RAB3C: variants seen among roughly 807,000 people sequenced by gnomAD.
The protein encoded by RAB3C is ras-related protein Rab-3C.
Under a neutral mutation model 26.4 loss-of-function variants are expected in RAB3C, and 17 were observed. The observed-to-expected ratio is 0.64, with a 90% CI of 0.44 to 0.97. The LOEUF (loss-of-function observed/expected upper bound fraction) is 0.97, where lower values mean the gene tolerates loss of function less well. RAB3C is among the 50% of genes least tolerant of loss of function. RAB3C has a pLI of 0.00. For synonymous variants in RAB3C, 91 were observed against 95.9 expected (o/e 0.95, Z 0.30); for missense variants, 242 against 281.9 (o/e 0.86, Z 1.01).
chr5:58,753,116 T>A (rs1741570206), intron 3 of RAB3C, among the ~76,000 whole-genome samples: 1 of 152,212 alleles, frequency 6.6e-6, no homozygotes, highest in Non-Finnish European at 1.5e-5. Flanking sequence ...TTGAATCAAT[T>A]AGTTATTTGA....
intron 3 of RAB3C, among the ~76,000 whole-genome samples, chr5:58,777,445 C>CT (rs947599650): frequency 6.6e-6 from 1 of 152,056 alleles, no homozygotes. Flanking sequence ...TCAAATATTA[C>CT]TTTTTTTAAG....
intron 3 of RAB3C, among the ~76,000 whole-genome samples, chr5:58,729,705 T>C (rs1054782352): frequency 6.8e-6 from 1 of 147,840 alleles, no homozygotes. Flanking sequence ...ACATTGTGTG[T>C]ATGTGTATAT....
chr5:58,716,196 G>T (rs1749170207), intron 2 of RAB3C, among the ~76,000 whole-genome samples: 1 of 151,976 alleles, frequency 6.6e-6, no homozygotes, highest in African/African-American at 2.4e-5. Flanking sequence ...TAGTGATGAG[G>T]TCATTGATTA....
At chr5:58,679,104 C>T (rs1335547274) in intron 2 of RAB3C, among the ~76,000 whole-genome samples, 4 of 151,968 alleles carry the variant, frequency 2.6e-5, no homozygotes, top group Admixed American at 6.5e-5. Context: ...AACAAGAACA[C>T]GATGTGGTAG....
chr5:58,789,098 G>A (rs1742462688), intron 3 of RAB3C, among the ~76,000 whole-genome samples: 1 of 152,008 alleles, frequency 6.6e-6, no homozygotes, highest in African/African-American at 2.4e-5. Flanking sequence ...GAAGGAAAAT[G>A]CATTATAAAT....
chr5:58,711,041 A>ACC (rs758174371), intron 2 of RAB3C, among the ~76,000 whole-genome samples: 5 of 152,188 alleles, frequency 3.3e-5, no homozygotes, highest in Non-Finnish European at 5.9e-5. Context: ...TGTGCAGAAG[A>ACC]CCTTAAAGAA....
At chr5:58,620,015 A>C (rs1454619609) in intron 2 of RAB3C, among the ~76,000 whole-genome samples, 1 of 152,024 alleles carries the variant, frequency 6.6e-6, no homozygotes, top group Non-Finnish European at 1.5e-5. Flanking sequence ...AGTTCATGAA[A>C]AAGTCTCTGA....
intron 2 of RAB3C, among the ~76,000 whole-genome samples, chr5:58,657,853 ACT>A (rs1747816633): frequency 6.6e-6 from 1 of 152,146 alleles, no homozygotes; most frequent in African/African-American, 2.4e-5. Context: ...TTTTTCTTTA[ACT>A]GCTAGTTTTA....
rs1234761064 is a variant in RAB3C, at chr5:58,856,947, G to A, written c.*5596G>A. 2 of 152,186 alleles carry A rather than the reference G, an allele frequency of 1.3e-5. No individual in the cohort carries two copies. Among genetic ancestry groups the A allele is most frequent in the African/African-American group, 4.8e-5 (2 of 41,446 alleles). 9.4% of individuals were successfully genotyped at this position (152,186 alleles called of 1,614,324 possible). ...TTAATATATTGTTAATGTCAGACGT[G>A]ATGTGATACCGTTAGACTGTCCAAA... On this transcript the variant is annotated 3_prime_UTR_variant, in exon 5 of 5. Transcript: ENST00000282878.
At chr5:58,592,999 C>T (rs111453090) in intron 1 of RAB3C, among the ~76,000 whole-genome samples, 2,220 of 152,072 alleles carry the variant, frequency 0.015, 21 homozygotes, top group Non-Finnish European at 0.022. Flanking sequence ...AGTATTTTTT[C>T]ATCCAATTAT....
intron 3 of RAB3C, among the ~76,000 whole-genome samples, chr5:58,773,614 T>G (rs773117515): frequency 5.3e-5 from 8 of 152,078 alleles, no homozygotes; most frequent in Non-Finnish European, 1.0e-4. Context: ...GTGCAGCAGT[T>G]CACACTGGGT....
chr5:58,709,981 A>C (rs1749024324), intron 2 of RAB3C, among the ~76,000 whole-genome samples: 1 of 152,154 alleles, frequency 6.6e-6, no homozygotes, highest in South Asian at 2.1e-4. Context: ...ATAATCTCAT[A>C]CAGAAATGTG....
Position 58,816,470 on chromosome 5 carries a change from CA to C in RAB3C, c.372-8567del, listed in dbSNP as rs527320822. ...TCCTTTCATATTTTACCTTCCCTGA[CA>C]GGGGGAGTGACCTTCCGTTGCTTTC... On this transcript the variant is annotated intron_variant, in intron 3 of 4. Coordinates refer to ENST00000282878, the MANE Select transcript of RAB3C (RefSeq NM_138453.4). 9.2e-5 allele frequency among the ~76,000 whole-genome samples: 14 copies of C among 152,248 alleles called. No individual in the cohort carries two copies. In the South Asian group the frequency reaches 1.2e-3, roughly 14 times the overall value.
At chr5:58,724,648 A>G (rs756429282) in intron 2 of RAB3C, among the ~76,000 whole-genome samples, 5 of 151,766 alleles carry the variant, frequency 3.3e-5, no homozygotes, top group Non-Finnish European at 5.9e-5. Context: ...ATGAAAGTAA[A>G]CATATGTAGA....
rs749342028 is a variant in RAB3C, at chr5:58,583,220, A to T, written c.12A>T (p.Glu4Asp). The change falls in exon 1 of 5, where the codon GAA (glutamate) becomes GAT (aspartate). Residue 4 changes from glutamate to aspartate, a missense_variant. By Grantham distance (45) the Glu-to-Asp change is conservative. Transcript: ENST00000282878. MRH[E>D]APMQMASAQD... ...GACATTTGCCAACAATGAGACACGA[A>T]GCGCCCATGCAGGTGGGTCCATAAA... 1 of 1,614,222 alleles carries T rather than the reference A, an allele frequency of 6.2e-7. No individual in the cohort carries two copies. Among genetic ancestry groups the T allele is most frequent in the Non-Finnish European group, 8.5e-7 (1 of 1,180,046 alleles).
chr5:58,764,572 A>G (rs187765005), intron 3 of RAB3C, among the ~76,000 whole-genome samples: 1 of 152,342 alleles, frequency 6.6e-6, no homozygotes, highest in African/African-American at 2.4e-5. Flanking sequence ...CTAACATTTA[A>G]TGTTGAAGAT....
chr5:58,815,927 G>A (rs1743206831), intron 3 of RAB3C: 1 of 152,200 alleles, frequency 6.6e-6, no homozygotes, highest in African/African-American at 2.4e-5. Flanking sequence ...GAGACTAAGA[G>A]GGCCTGACAC....
chr5:58,783,288 C>T (rs1361726486), intron 3 of RAB3C, among the ~76,000 whole-genome samples: 1 of 152,070 alleles, frequency 6.6e-6, no homozygotes, highest in South Asian at 2.1e-4. Flanking sequence ...ACATCAAGCT[C>T]AGCTGAGTAA....
chr5:58,724,968 G>C (rs1218461553), intron 2 of RAB3C, among the ~76,000 whole-genome samples: 3 of 151,894 alleles, frequency 2.0e-5, no homozygotes, highest in Non-Finnish European at 4.4e-5. Flanking sequence ...AGAGTTATGA[G>C]GGGATTGCCA....
Sources: gnomAD v4.1 joint callset for allele counts (sites outside exome capture counted in the v4.1 genomes callset) on GRCh38, gnomAD v4.1.1 for gene constraint, MANE v1.5 for transcripts, NCBI Gene and HGNC (gene_info 2026-07-23, HGNC 2026-07-21) for gene names.